The following MAML2 variants were observed in gnomAD, a reference collection of about 807,000 sequenced individuals.
MAML2 encodes the protein mastermind-like protein 2.
A neutral mutation model predicts 96.1 loss-of-function variants in MAML2; 22 were observed. The ratio of observed to expected loss-of-function variants is 0.23; its 90% CI spans 0.16 to 0.33. The LOEUF (loss-of-function observed/expected upper bound fraction) is 0.33, where lower values mean the gene tolerates loss of function less well. MAML2 is among the 10% of genes least tolerant of loss of function. The pLI is 1.00. For missense variants in MAML2, 1,367 were observed against 1,392.4 expected (o/e 0.98, Z 0.29); for synonymous variants, 561 against 521.3 (o/e 1.08, Z -1.04).
intron 1 of MAML2, among the ~76,000 whole-genome samples, chr11:96,224,089 TA>T (rs1190433989): frequency 5.9e-5 from 9 of 152,194 alleles, no homozygotes; most frequent in African/African-American, 2.2e-4. Context: ...CAGGGTGACT[TA>T]TTTCAACTAT....
chr11:96,182,825 A>C (rs1861506571), intron 1 of MAML2, among the ~76,000 whole-genome samples: 1 of 152,156 alleles, frequency 6.6e-6, no homozygotes. Flanking sequence ...CTGGAGAAGG[A>C]ATGGGATGGA....
intron 1 of MAML2, among the ~76,000 whole-genome samples, chr11:96,139,439 T>C (rs1431828150): frequency 1.6e-5 from 2 of 121,602 alleles, no homozygotes; most frequent in African/African-American, 5.3e-5. Flanking sequence ...ATCCCACCAC[T>C]GCACTCCAGC....
chr11:96,148,553 G>A (rs1434136386), intron 1 of MAML2, among the ~76,000 whole-genome samples: 4 of 151,686 alleles, frequency 2.6e-5, no homozygotes, highest in African/African-American at 9.7e-5. Context: ...CCCGCCTGAA[G>A]CTGAACATTA....
chr11:96,212,150 T>TGTGTGTGTGTGTGG lies in MAML2; in HGVS notation c.514-118634_514-118633insCCACACACACACAC, dbSNP rs60072122. ...GTGTGTGTGTGTGTGTGTGTGTGTG[T>TGTGTGTGTGTGTGG]GGAAGGGGGACTCGTAATCTCATTT... On this transcript the variant is annotated intron_variant, in intron 1 of 4. Transcript: ENST00000524717. Among the ~76,000 whole-genome samples the TGTGTGTGTGTGTGG allele has an allele frequency of 3.5e-3, 441 of 127,560 alleles. 8 individuals are homozygous for TGTGTGTGTGTGTGG. Among genetic ancestry groups the TGTGTGTGTGTGTGG allele is most frequent in the Non-Finnish European group, 2.2e-3 (127 of 57,656 alleles). The allele number at this position is 127,560 out of a possible 152,430, so 83.7% of individuals were successfully genotyped here.
At chr11:96,198,037 T>C (rs956893652) in intron 1 of MAML2, among the ~76,000 whole-genome samples, 1 of 152,148 alleles carries the variant, frequency 6.6e-6, no homozygotes, top group Non-Finnish European at 1.5e-5. Flanking sequence ...AACTGAGAGA[T>C]TGGCAGACAA....
At chr11:96,131,867 A>G (rs2135856669) in intron 1 of MAML2, among the ~76,000 whole-genome samples, 1 of 152,208 alleles carries the variant, frequency 6.6e-6, no homozygotes, top group South Asian at 2.1e-4. Context: ...AAAATTAGCC[A>G]GGCATGGTGG....
At chr11:96,177,452 C>T (rs1030494328) in intron 1 of MAML2, among the ~76,000 whole-genome samples, 2 of 152,086 alleles carry the variant, frequency 1.3e-5, no homozygotes, top group African/African-American at 2.4e-5. Context: ...TAGGTTTTAT[C>T]CAAAATAGCA....
In MAML2 at chr11:96,077,504, A is replaced by T. The variant is rs183734876; in HGVS notation, c.2139+14388T>A. Among the ~76,000 whole-genome samples, 69 of 152,272 alleles carry T rather than the reference A, an allele frequency of 4.5e-4. No homozygotes were observed. The South Asian group carries it at 8.5e-3, about 19-fold the overall frequency. On this transcript the variant is annotated intron_variant, in intron 2 of 4. Transcript: ENST00000524717. The stretch of plus-strand genomic sequence containing the variant: ...CCAAAGTACTGGGATTACAGGCATG[A>T]GCCACCGCAACTGGCCTACCCCATC...
rs992735998 is a variant in MAML2, at chr11:96,113,979, G to A, written c.514-20462C>T. Reference sequence around the variant, plus strand: ...AAAATAAAACATTTGATGAAGCCCCGCTCTAGGAAACTGACATACCATCTC... The same window carrying A: ...AAAATAAAACATTTGATGAAGCCCCACTCTAGGAAACTGACATACCATCTC... On this transcript the variant is annotated intron_variant, in intron 1 of 4. Coordinates refer to ENST00000524717, the MANE Select transcript of MAML2 (RefSeq NM_032427.4). 5.3e-5 allele frequency among the ~76,000 whole-genome samples: 8 copies of A among 151,714 alleles called. No homozygotes were observed. The East Asian group carries it at 9.6e-4, about 18-fold the overall frequency.
At chr11:95,987,128 G>A (rs1857840140) in intron 3 of MAML2, among the ~76,000 whole-genome samples, 1 of 152,160 alleles carries the variant, frequency 6.6e-6, no homozygotes, top group African/African-American at 2.4e-5. Flanking sequence ...CTGTCACAAA[G>A]TAAAGTCAAT....
At chr11:96,079,561 T>C (rs903905574) in intron 2 of MAML2, among the ~76,000 whole-genome samples, 3 of 152,190 alleles carry the variant, frequency 2.0e-5, no homozygotes, top group Non-Finnish European at 4.4e-5. Flanking sequence ...GAGGAGAAAA[T>C]TATTTCTATT....
intron 1 of MAML2, among the ~76,000 whole-genome samples, chr11:96,306,658 A>T (rs188841104): frequency 3.9e-4 from 59 of 152,342 alleles, no homozygotes; most frequent in Non-Finnish European, 8.1e-4. Context: ...TCCTCAGTCT[A>T]AATTGAAAAG....
At chr11:96,336,740 AC>A (rs1455830497) in intron 1 of MAML2, among the ~76,000 whole-genome samples, 1 of 152,236 alleles carries the variant, frequency 6.6e-6, no homozygotes, top group Non-Finnish European at 1.5e-5. Flanking sequence ...CAACAAAAAA[AC>A]AAAAACAGCT....
intron 2 of MAML2, among the ~76,000 whole-genome samples, chr11:96,043,257 C>G (rs1053204497): frequency 6.6e-6 from 1 of 152,220 alleles, no homozygotes; most frequent in Non-Finnish European, 1.5e-5. Context: ...TGGGTTCTAA[C>G]TAGCAAAATT....
chr11:96,208,012 CAAACTCAGAGTCTCCA>C (rs1388382048), intron 1 of MAML2, among the ~76,000 whole-genome samples: 2 of 152,162 alleles, frequency 1.3e-5, no homozygotes, highest in African/African-American at 4.8e-5. Context: ...TCTAAGCTCC[CAAACTCAGAGTCTCCA>C]TCATATGGAA....
At chr11:96,323,109 A>T (rs1162553580) in intron 1 of MAML2, among the ~76,000 whole-genome samples, 5 of 37,246 alleles carry the variant, frequency 1.3e-4, no homozygotes, top group Non-Finnish European at 2.3e-4. Context: ...CTACTGGTTT[A>T]AAAAAAAAAA....
In MAML2 at chr11:96,188,361, C is replaced by A. The variant is rs193078922; in HGVS notation, c.514-94844G>T. 5.3e-5 allele frequency among the ~76,000 whole-genome samples: 8 copies of A among 152,308 alleles called. No individual in the cohort carries two copies. In the East Asian group the frequency reaches 1.5e-3, roughly 29 times the overall value. On this transcript the variant is annotated intron_variant, in intron 1 of 4. Coordinates refer to ENST00000524717, the MANE Select transcript of MAML2 (RefSeq NM_032427.4). ...AAAGCCAACACATCTCTCTCTACCCCCATCCTTCCCTGAATAACCTAGATA... is the reference window on the plus strand; with the variant it reads ...AAAGCCAACACATCTCTCTCTACCCACATCCTTCCCTGAATAACCTAGATA...
At chr11:96,199,639 C>A (rs1480397704) in intron 1 of MAML2, among the ~76,000 whole-genome samples, 1 of 151,562 alleles carries the variant, frequency 6.6e-6, no homozygotes, top group Non-Finnish European at 1.5e-5. Flanking sequence ...TGGGGAAACT[C>A]TTTGTCAGTA....
rs71459791 is a variant in MAML2, at chr11:96,199,196, CAAAAAAAAAA to C, written c.514-105689_514-105680del. 6.8e-5 allele frequency among the ~76,000 whole-genome samples: 4 copies of C among 58,588 alleles called. 1 individual carries two copies. The highest frequency in any genetic ancestry group is 1.2e-4 in the Non-Finnish European group (4 of 32,004). 38.4% of individuals were successfully genotyped at this position (58,588 alleles called of 152,430 possible). A position where few individuals can be genotyped will look rare whatever the true frequency, so the allele number is the denominator to read the frequency against. On this transcript the variant is annotated intron_variant, in intron 1 of 4. Coordinates refer to ENST00000524717, the MANE Select transcript of MAML2 (RefSeq NM_032427.4). ...TGGGCAACAGAGCAAGCCTCCGTCT[CAAAAAAAAAA>C]AAAAAAAAAAAAAAAAGAGAGGGGT...
Sources: allele counts gnomAD v4.1 joint callset (sites outside exome capture counted in the v4.1 genomes callset), GRCh38; gene constraint gnomAD v4.1.1; transcripts MANE v1.5; gene names NCBI Gene and HGNC (gene_info 2026-07-23, HGNC 2026-07-21).